The following BRAF variants were observed in gnomAD, a reference collection of about 807,000 sequenced individuals.
BRAF encodes the protein B-Raf proto-oncogene, serine/threonine kinase.
Under a neutral mutation model 104.6 loss-of-function variants are expected in BRAF, and 16 were observed. The observed-to-expected ratio is 0.15, with a 90% confidence interval of 0.10 to 0.23. BRAF has a LOEUF of 0.23. Ranked by LOEUF, BRAF falls within the 10% of genes least tolerant of loss-of-function variation. The pLI is 1.00. For synonymous variants in BRAF, 310 were observed against 341.6 expected (o/e 0.91, Z 1.02); for missense variants, 541 against 937.3 (o/e 0.58, Z 5.52).
chr7:140,880,168 G>T (rs10250900), intron 1 of BRAF, among the ~76,000 whole-genome samples: 2 of 152,206 alleles, frequency 1.3e-5, no homozygotes, highest in Non-Finnish European at 2.9e-5. Context: ...CTTGGAGTCA[G>T]TCCTCTCAAA....
At chr7:140,854,651 A>C (rs1484073288) in intron 1 of BRAF, among the ~76,000 whole-genome samples, 1 of 152,160 alleles carries the variant, frequency 6.6e-6, no homozygotes, top group Non-Finnish European at 1.5e-5. Flanking sequence ...GGTATAAAAA[A>C]CGGTTAAGAT....
At chr7:140,758,656 T>C (rs1358651403) in intron 14 of BRAF, among the ~76,000 whole-genome samples, 3 of 152,198 alleles carry the variant, frequency 2.0e-5, no homozygotes, top group African/African-American at 7.2e-5. Context: ...GGTCTCACTA[T>C]GTTGCCCAGG....
intron 2 of BRAF, among the ~76,000 whole-genome samples, chr7:140,843,154 C>T (rs1379616482): frequency 6.6e-6 from 1 of 152,124 alleles, no homozygotes; most frequent in African/African-American, 2.4e-5. Flanking sequence ...AGCATAGTCA[C>T]TAGTATAGGG....
At chr7:140,901,858 CTTTA>C (rs1815678648) in intron 1 of BRAF, among the ~76,000 whole-genome samples, 1 of 152,196 alleles carries the variant, frequency 6.6e-6, no homozygotes, top group Non-Finnish European at 1.5e-5. Flanking sequence ...GTCCTTAATT[CTTTA>C]TTTATCTACT....
At chr7:140,798,454 G>C (rs2129041789) in intron 7 of BRAF, among the ~76,000 whole-genome samples, 1 of 150,944 alleles carries the variant, frequency 6.6e-6, no homozygotes, top group South Asian at 2.1e-4. Context: ...TAGAGACGGG[G>C]TTTCACTGTG....
At chr7:140,783,390 A>G in intron 10 of BRAF, 1 of 442,086 alleles carries the variant, frequency 2.3e-6, no homozygotes, top group Non-Finnish European at 4.0e-6. Flanking sequence ...TGATAGACAT[A>G]GACACATACT....
In BRAF at chr7:140,719,444, A is replaced by C; in HGVS notation, c.*7050T>G. The C allele has an allele frequency of 9.9e-7, 1 of 1,012,578 alleles. No homozygotes were observed. The highest frequency in any genetic ancestry group is 1.2e-6 in the Non-Finnish European group (1 of 839,014). The allele number at this position is 1,012,578 out of a possible 1,614,324, so 62.7% of individuals were successfully genotyped here. ...AGTTTTTAAATAACTTTACACAGAA[A>C]TAAATTTCTTCAATCTGAATTTCAG... On this transcript the variant is annotated 3_prime_UTR_variant, in exon 20 of 20. Transcript: ENST00000644969.
chr7:140,744,533 C>G (rs1046336158), intron 17 of BRAF, among the ~76,000 whole-genome samples: 1 of 152,228 alleles, frequency 6.6e-6, no homozygotes, highest in Non-Finnish European at 1.5e-5. Flanking sequence ...GTCCTTTTAA[C>G]AAACCTGAAG....
At chr7:140,855,585 C>T (rs778253894) in intron 1 of BRAF, among the ~76,000 whole-genome samples, 6 of 151,662 alleles carry the variant, frequency 4.0e-5, no homozygotes, top group Non-Finnish European at 7.4e-5. Context: ...TGGCTCCCCT[C>T]ATCCCTTAAA....
intron 1 of BRAF, among the ~76,000 whole-genome samples, chr7:140,850,720 C>T (rs562332865): frequency 2.0e-5 from 3 of 152,232 alleles, no homozygotes; most frequent in African/African-American, 7.2e-5. Context: ...ATATAGCATT[C>T]ATTTCATAGC....
In BRAF at chr7:140,881,963, GT is replaced by G. The variant is rs552834281; in HGVS notation, c.139-31752del. Among the ~76,000 whole-genome samples the G allele has an allele frequency of 4.6e-5, 7 of 152,172 alleles. No individual in the cohort carries two copies. The East Asian group carries it at 1.2e-3, about 25-fold the overall frequency. ...ATCACAGAACACCAAAACAGACAAA[GT>G]TTGAAATATTGCAAGAATTACTAAA... On this transcript the variant is annotated intron_variant, in intron 1 of 19. Coordinates refer to ENST00000644969, the MANE Select transcript of BRAF (RefSeq NM_001374258.1).
intron 2 of BRAF, 96 bp downstream of exon 2, chr7:140,850,015 C>G (rs1808986017): frequency 5.6e-6 from 5 of 897,498 alleles, no homozygotes; most frequent in Admixed American, 3.8e-5. Flanking sequence ...TTCCTAATCC[C>G]ACCTCCTAAA....
chr7:140,909,611 C>T (rs1298830661), intron 1 of BRAF, among the ~76,000 whole-genome samples: 1 of 152,148 alleles, frequency 6.6e-6, no homozygotes, highest in Non-Finnish European at 1.5e-5. Context: ...ACAAGTGACA[C>T]TGCCATCAAT....
chr7:140,863,810 T>C (rs954366025), intron 1 of BRAF, among the ~76,000 whole-genome samples: 4 of 152,346 alleles, frequency 2.6e-5, no homozygotes, highest in Admixed American at 2.6e-4. Flanking sequence ...GTAAGTTTCC[T>C]GAGGCCTCCC....
At chr7:140,787,873 C>T (rs1801555022) in intron 8 of BRAF, among the ~76,000 whole-genome samples, 1 of 152,130 alleles carries the variant, frequency 6.6e-6, no homozygotes, top group African/African-American at 2.4e-5. Flanking sequence ...CCTCAACAAT[C>T]TAATGCAGGA....
At chr7:140,872,794 T>A (rs1811762639) in intron 1 of BRAF, among the ~76,000 whole-genome samples, 1 of 152,116 alleles carries the variant, frequency 6.6e-6, no homozygotes, top group African/African-American at 2.4e-5. Flanking sequence ...GCCCATGAGG[T>A]GGAGGCTGTG....
At chr7:140,790,638 G>C (rs1317735417) in intron 8 of BRAF, among the ~76,000 whole-genome samples, 1 of 152,174 alleles carries the variant, frequency 6.6e-6, no homozygotes, top group Non-Finnish European at 1.5e-5. Context: ...AGTCTGTAAA[G>C]AGTTACAGAG....
chr7:140,800,096 T>C, intron 7 of BRAF: 1 of 498,208 alleles, frequency 2.0e-6, no homozygotes, highest in East Asian at 3.5e-5. Flanking sequence ...AAGAAAGCAG[T>C]TCAAGAAGCA....
intron 1 of BRAF, among the ~76,000 whole-genome samples, chr7:140,901,598 A>G (rs1334953728): frequency 6.6e-6 from 1 of 152,236 alleles, no homozygotes; most frequent in Non-Finnish European, 1.5e-5. Context: ...AAATACTAAC[A>G]TTTTTAACAT....
Sources: gnomAD v4.1 joint callset for allele counts (sites outside exome capture counted in the v4.1 genomes callset) on GRCh38, gnomAD v4.1.1 for gene constraint, MANE v1.5 for transcripts, NCBI Gene and HGNC (gene_info 2026-07-23, HGNC 2026-07-21) for gene names.